ANKRD6: variants seen among roughly 807,000 people sequenced by gnomAD.
ANKRD6 encodes the protein ankyrin repeat domain-containing protein 6.
Under a neutral mutation model 82.3 loss-of-function variants are expected in ANKRD6, and 56 were observed. That is an observed-to-expected ratio of 0.68 (90% confidence interval 0.55 to 0.85). ANKRD6 has a LOEUF of 0.85. ANKRD6 is among the 40% of genes least tolerant of loss of function. ANKRD6 has a pLI of 0.00. For synonymous variants in ANKRD6, 347 were observed against 352.1 expected (o/e 0.99, Z 0.16); for missense variants, 852 against 907.6 (o/e 0.94, Z 0.79).
intron 1 of ANKRD6, among the ~76,000 whole-genome samples, chr6:89,484,914 C>G (rs1472712525): frequency 6.6e-6 from 1 of 152,218 alleles, no homozygotes; most frequent in East Asian, 1.9e-4. Context: ...CTATCTCTAG[C>G]TACCTAGGTG....
chr6:89,441,085 T>A (rs575999981), intron 1 of ANKRD6, among the ~76,000 whole-genome samples: 1 of 152,342 alleles, frequency 6.6e-6, no homozygotes, highest in Admixed American at 6.5e-5. Context: ...TAGAACCTAC[T>A]TAATCTCTGT....
At chr6:89,605,965 G>T (rs1158840104) in intron 4 of ANKRD6, 42 bp from the exon 5 acceptor site, 1 of 1,425,922 alleles carries the variant, frequency 7.0e-7, no homozygotes, top group South Asian at 1.3e-5. Context: ...GAAGAATTAG[G>T]TCTTGGGTAA....
chr6:89,450,858 G>C (rs1323467257), intron 1 of ANKRD6, among the ~76,000 whole-genome samples: 5 of 152,078 alleles, frequency 3.3e-5, no homozygotes, highest in Non-Finnish European at 5.9e-5. Context: ...TAATACTATG[G>C]TGTAGTAAAT....
chr6:89,482,585 T>TC (rs139868347), intron 1 of ANKRD6, among the ~76,000 whole-genome samples: 8,463 of 152,130 alleles, frequency 0.056, 263 homozygotes, highest in South Asian at 0.13. Flanking sequence ...GGCTACCCTC[T>TC]CCCCAGTCCT....
At chr6:89,450,312 A>G (rs922015675) in intron 1 of ANKRD6, among the ~76,000 whole-genome samples, 11 of 147,662 alleles carry the variant, frequency 7.4e-5, no homozygotes, top group African/African-American at 2.5e-4. Flanking sequence ...CTCCATCTCA[A>G]AAAAAAAAAA....
chr6:89,441,399 T>C (rs1771357548), intron 1 of ANKRD6, among the ~76,000 whole-genome samples: 1 of 152,198 alleles, frequency 6.6e-6, no homozygotes, highest in Admixed American at 6.5e-5. Flanking sequence ...GTGATCTGCC[T>C]GCCTCGGCCT....
intron 1 of ANKRD6, among the ~76,000 whole-genome samples, chr6:89,482,313 C>T (rs1000271474): frequency 1.3e-5 from 2 of 152,068 alleles, no homozygotes; most frequent in Non-Finnish European, 2.9e-5. Context: ...AATAAATGGC[C>T]GTAGATCTGC....
Position 89,613,803 on chromosome 6 carries a change from C to G in ANKRD6, c.528C>G (p.Thr176=). ...RADLKNNAGD[T]CLHVAARYNH... is the part of the protein sequence containing the mutation. ...ATTTTTGTCCGCAGGCAGGAGACACCTGTTTGCACGTTGCTGCGCGCTATA... is the reference window on the plus strand; with the variant it reads ...ATTTTTGTCCGCAGGCAGGAGACACGTGTTTGCACGTTGCTGCGCGCTATA... Residue 176 remains threonine (T), a synonymous_variant, in exon 7 of 16, where the codon ACC becomes ACG. Transcript: ENST00000339746. 6.2e-7 allele frequency: 1 copy of G among 1,614,026 alleles called. No individual in the cohort carries two copies. The highest frequency in any genetic ancestry group is 8.5e-7 in the Non-Finnish European group (1 of 1,179,882).
chr6:89,580,602 C>T (rs1036116266), intron 2 of ANKRD6, among the ~76,000 whole-genome samples: 2 of 151,884 alleles, frequency 1.3e-5, no homozygotes, highest in East Asian at 3.9e-4. Flanking sequence ...TGCTGCCACT[C>T]GCTGGGCTTC....
intron 1 of ANKRD6, among the ~76,000 whole-genome samples, chr6:89,449,498 T>G (rs1772541003): frequency 6.6e-6 from 1 of 152,184 alleles, no homozygotes; most frequent in Non-Finnish European, 1.5e-5. Context: ...CAGGAGAGCA[T>G]GAAGGGGAAG....
chr6:89,450,463 T>G (rs142522040), intron 1 of ANKRD6, among the ~76,000 whole-genome samples: 8 of 152,316 alleles, frequency 5.3e-5, no homozygotes, highest in Non-Finnish European at 8.8e-5. Flanking sequence ...AAAAACATTA[T>G]GACCTACTGA....
At chr6:89,570,071 G>GTT (rs1246524583) in intron 2 of ANKRD6, among the ~76,000 whole-genome samples, 1 of 150,108 alleles carries the variant, frequency 6.7e-6, no homozygotes, top group Non-Finnish European at 1.5e-5. Flanking sequence ...ATATGTGTGT[G>GTT]TGTGTGTGTG....
intron 1 of ANKRD6, among the ~76,000 whole-genome samples, chr6:89,521,113 A>G (rs1480373181): frequency 1.3e-5 from 2 of 152,204 alleles, no homozygotes; most frequent in Non-Finnish European, 2.9e-5. Context: ...TCACAGCTTC[A>G]TTTTTAAATA....
intron 1 of ANKRD6, among the ~76,000 whole-genome samples, chr6:89,545,898 G>C (rs1057042913): frequency 5.9e-5 from 9 of 152,034 alleles, no homozygotes; most frequent in Non-Finnish European, 1.2e-4. Flanking sequence ...TCTTCCTCTC[G>C]GGTTCACATC....
At chr6:89,504,583 AT>A (rs1218372707) in intron 1 of ANKRD6, among the ~76,000 whole-genome samples, 1 of 147,282 alleles carries the variant, frequency 6.8e-6, no homozygotes, top group Non-Finnish European at 1.5e-5. Context: ...AAAAAAAAAA[AT>A]TATAGCGATG....
rs759042899 is a variant in ANKRD6 at position 89,623,893 on chromosome 6, A to G, written c.1054A>G (p.Thr352Ala). The G allele has an allele frequency of 3.8e-5, 62 of 1,613,098 alleles. No individual in the cohort carries two copies. The Admixed American group carries it at 8.7e-4, about 23-fold the overall frequency. Residue 352 changes from threonine to alanine, a missense_variant, in exon 12 of 16, where the codon ACC becomes GCC. Coordinates refer to ENST00000339746, the MANE Select transcript of ANKRD6 (RefSeq NM_001242809.2). ...RPKVSAFSDPTPPADQQPGHQ... is the reference protein window; with the variant it reads ...RPKVSAFSDPAPPADQQPGHQ... ...ACAGGTGTCAGCATTTTCTGACCCC[A>G]CCCCACCAGCCGACCAACAGCCTGG... is the stretch of plus-strand genomic sequence containing the variant.
intron 1 of ANKRD6, among the ~76,000 whole-genome samples, chr6:89,501,009 C>A (rs1779202715): frequency 7.0e-6 from 1 of 142,120 alleles, no homozygotes; most frequent in African/African-American, 2.6e-5. Context: ...CAGAAAAAAG[C>A]ACAGCTCTTA....
At chr6:89,527,769 G>A (rs1415805551) in intron 1 of ANKRD6, among the ~76,000 whole-genome samples, 1 of 152,010 alleles carries the variant, frequency 6.6e-6, no homozygotes, top group Non-Finnish European at 1.5e-5. Context: ...TAATCAGGGT[G>A]GTGGCTGCTA....
chr6:89,495,708 A>C (rs2127860048), intron 1 of ANKRD6, among the ~76,000 whole-genome samples: 1 of 152,298 alleles, frequency 6.6e-6, no homozygotes. Flanking sequence ...GCTTTGTAAG[A>C]ATTCAATACT....
Sources: allele counts gnomAD v4.1 joint callset (sites outside exome capture counted in the v4.1 genomes callset), GRCh38; gene constraint gnomAD v4.1.1; transcripts MANE v1.5; gene names NCBI Gene and HGNC (gene_info 2026-07-23, HGNC 2026-07-21).